The following AGMO variants were observed in gnomAD, a reference collection of about 807,000 sequenced individuals.
AGMO encodes glyceryl-ether monooxygenase.
Under a neutral mutation model 60.2 loss-of-function variants are expected in AGMO, and 75 were observed. That is an observed-to-expected ratio of 1.25 (90% CI 1.03 to 1.51). The LOEUF (loss-of-function observed/expected upper bound fraction) is 1.51. Ranked by LOEUF, AGMO falls within the 40% of genes most tolerant of loss-of-function variation. The probability of loss-of-function intolerance (pLI) is 0.00; values close to 1 mark genes in which losing one functional copy is unlikely to be tolerated. For synonymous variants in AGMO, 261 were observed against 177.1 expected (o/e 1.47, Z -3.76); for missense variants, 763 against 525.5 (o/e 1.45, Z -4.42).
chr7:15,243,722 C>G (rs1180662088), intron 12 of AGMO, among the ~76,000 whole-genome samples: 3 of 152,048 alleles, frequency 2.0e-5, no homozygotes, highest in Non-Finnish European at 4.4e-5. Context: ...CAGAAATATA[C>G]CAATTCCAAA....
intron 2 of AGMO, among the ~76,000 whole-genome samples, chr7:15,547,366 C>T (rs1232400856): frequency 4.6e-5 from 7 of 152,046 alleles, no homozygotes; most frequent in South Asian, 2.1e-4. Context: ...GCATGAGCGA[C>T]GCAGAAGACG....
the AGMO span, among the ~76,000 whole-genome samples, chr7:15,168,829 G>C: frequency 1.3e-5 from 2 of 152,226 alleles, no homozygotes; most frequent in Non-Finnish European, 1.5e-5. Flanking sequence ...AAGGCACTTA[G>C]AATAAAGCTG....
At chr7:15,425,948 T>C (rs1216111381) in intron 4 of AGMO, among the ~76,000 whole-genome samples, 2 of 152,212 alleles carry the variant, frequency 1.3e-5, no homozygotes, top group African/African-American at 4.8e-5. Context: ...ATTAATTTAT[T>C]ATGCTTTTGA....
At chr7:15,362,031 T>TA in intron 12 of AGMO, among the ~76,000 whole-genome samples, 1 of 152,218 alleles carries the variant, frequency 6.6e-6, no homozygotes, top group East Asian at 1.9e-4. Context: ...GAAGAGAATA[T>TA]AGTGTCCTTA....
the AGMO span, among the ~76,000 whole-genome samples, chr7:15,137,710 C>G: frequency 2.6e-5 from 4 of 152,118 alleles, no homozygotes; most frequent in Non-Finnish European, 4.4e-5. Flanking sequence ...CTATTATGAT[C>G]ATGTTGAGGA....
chr7:15,382,759 TG>T (rs1783744698), intron 10 of AGMO, among the ~76,000 whole-genome samples: 1 of 152,170 alleles, frequency 6.6e-6, no homozygotes. Flanking sequence ...TTGAATATTC[TG>T]TTTTTTTAGA....
chr7:15,264,099 A>C (rs1040124974), intron 12 of AGMO, among the ~76,000 whole-genome samples: 4 of 151,892 alleles, frequency 2.6e-5, no homozygotes, highest in Admixed American at 1.3e-4. Context: ...AAAAAAATTA[A>C]ATATTAGAAA....
the AGMO span, among the ~76,000 whole-genome samples, chr7:15,122,352 A>C: frequency 5.3e-5 from 8 of 152,086 alleles, no homozygotes; most frequent in African/African-American, 1.9e-4. Flanking sequence ...GTTCCTGTGT[A>C]CTTCTGTATC....
In AGMO at chr7:15,385,451, T is replaced by C. The variant is rs1783871502; in HGVS notation, c.1069A>G (p.Thr357Ala). The C allele has an allele frequency of 3.2e-6, 5 of 1,567,230 alleles. No homozygotes were observed. The highest frequency in any genetic ancestry group is 1.4e-5 in the African/African-American group (1 of 73,786). Residue 357 changes from threonine to alanine, a missense_variant, in exon 10 of 13, where the codon ACA (threonine) becomes GCA (alanine). Physicochemically the swap from Thr to Ala is moderately conservative, Grantham distance 58 (BLOSUM62 0). Coordinates refer to ENST00000342526, the MANE Select transcript of AGMO (RefSeq NM_001004320.2). Reference sequence around the variant, plus strand: ...TTAAAATGGATATTACTTACAGCTGTATCTGCAAAGGTCTCTTCATAAAAT... The same window carrying C: ...TTAAAATGGATATTACTTACAGCTGCATCTGCAAAGGTCTCTTCATAAAAT... ...LAFYEETFAD[T>A]AALSQVTLLL...
rs149570873 is a variant in AGMO, at chr7:15,544,784, G to A, written c.397C>T (p.Arg133Cys). Residue 133 changes from arginine to cysteine, a missense_variant, in exon 3 of 13, where the codon CGT (arginine) becomes TGT (cysteine). Transcript: ENST00000342526. ...GVDFGYYWFH[R>C]MAHEVNIMWA... is the part of the protein sequence containing the mutation. ...ATTTGCAGCTTACCATGAGCCATACGATGGAACCAGTAGTAGCCAAAGTCA... is the reference window on the plus strand; with the variant it reads ...ATTTGCAGCTTACCATGAGCCATACAATGGAACCAGTAGTAGCCAAAGTCA... 175 of 1,597,572 alleles carry A rather than the reference G, an allele frequency of 1.1e-4. No homozygotes were observed. The African/African-American group carries it at 2.1e-3, about 19-fold the overall frequency.
At chr7:15,500,607 A>T (rs922077474) in intron 3 of AGMO, among the ~76,000 whole-genome samples, 1 of 151,918 alleles carries the variant, frequency 6.6e-6, no homozygotes, top group Non-Finnish European at 1.5e-5. Context: ...AAATATTTTT[A>T]AAATATTTTT....
At chr7:15,358,459 T>C (rs1277446513) in intron 12 of AGMO, 1 of 470,388 alleles carries the variant, frequency 2.1e-6, no homozygotes, top group Admixed American at 2.4e-5. Flanking sequence ...AAGGGTGAGA[T>C]ACGTACTAAT....
the AGMO span, among the ~76,000 whole-genome samples, chr7:15,164,691 G>A: frequency 6.6e-6 from 1 of 151,950 alleles, no homozygotes; most frequent in Non-Finnish European, 1.5e-5. Context: ...AAACCACAAT[G>A]AGATACTCTC....
chr7:15,273,339 T>C (rs1038200119), intron 12 of AGMO, among the ~76,000 whole-genome samples: 3 of 152,220 alleles, frequency 2.0e-5, no homozygotes, highest in African/African-American at 7.2e-5. Flanking sequence ...TTCAGCTTTC[T>C]ACATATGGCT....
chr7:15,427,895 G>A (rs1395136857), intron 4 of AGMO, among the ~76,000 whole-genome samples: 2 of 147,218 alleles, frequency 1.4e-5, no homozygotes, highest in African/African-American at 2.5e-5. Flanking sequence ...CAAATAATAT[G>A]GTTAGAAATT....
chr7:15,269,534 G>C (rs1375722328), intron 12 of AGMO, among the ~76,000 whole-genome samples: 1 of 152,068 alleles, frequency 6.6e-6, no homozygotes, highest in Non-Finnish European at 1.5e-5. Flanking sequence ...AGATTATCCA[G>C]AGATGGGGGT....
intron 6 of AGMO, among the ~76,000 whole-genome samples, chr7:15,392,163 G>A (rs1301194178): frequency 6.6e-6 from 1 of 151,740 alleles, no homozygotes; most frequent in Non-Finnish European, 1.5e-5. Context: ...TCTGCCTCCC[G>A]GGTTCACGCC....
chr7:15,236,990 A>AT (rs1197530183), intron 12 of AGMO, among the ~76,000 whole-genome samples: 2 of 152,092 alleles, frequency 1.3e-5, no homozygotes, highest in Non-Finnish European at 2.9e-5. Context: ...TCAAACAAAC[A>AT]TAAAAAATGT....
At chr7:15,202,205 A>G (rs751037917) in intron 12 of AGMO, among the ~76,000 whole-genome samples, 1 of 151,920 alleles carries the variant, frequency 6.6e-6, no homozygotes, top group Non-Finnish European at 1.5e-5. Context: ...CCATACTATT[A>G]AAATAGGACC....
Sources: allele counts gnomAD v4.1 joint callset (sites outside exome capture counted in the v4.1 genomes callset), GRCh38; gene constraint gnomAD v4.1.1; transcripts MANE v1.5; gene names NCBI Gene and HGNC (gene_info 2026-07-23, HGNC 2026-07-21).